The following KLC1 variants were observed in gnomAD, a reference collection of about 807,000 sequenced individuals.
The protein encoded by KLC1 is kinesin 2 60/70kDa.
Under a neutral mutation model 84.2 loss-of-function variants are expected in KLC1, and 30 were observed. The observed-to-expected ratio is 0.36, with a 90% CI of 0.27 to 0.48. The LOEUF (loss-of-function observed/expected upper bound fraction) is 0.48, where lower values mean the gene tolerates loss of function less well. Among genes scored for constraint, KLC1 ranks in the 20% least tolerant of loss-of-function variants. KLC1 has a pLI of 0.99. For synonymous variants in KLC1, 289 were observed against 293.3 expected, an observed-to-expected ratio of 0.99 and a Z score of 0.15; for missense variants, 499 against 805.4, an observed-to-expected ratio of 0.62 and a Z score of 4.60.
chr14:103,638,084 G>C (rs1351823444), intron 1 of KLC1, among the ~76,000 whole-genome samples: 1 of 151,942 alleles, frequency 6.6e-6, no homozygotes, highest in Non-Finnish European at 1.5e-5. Context: ...TATTGTTTGG[G>C]GCTTCTGCGC....
chr14:103,692,850 A>G (rs17101763), intron 15 of KLC1, among the ~76,000 whole-genome samples: 2,797 of 152,366 alleles, frequency 0.018, 76 homozygotes, highest in African/African-American at 0.059. Flanking sequence ...CTCTGTTAAC[A>G]TGATGACTAG....
Position 103,687,177 on chromosome 14 carries a change from G to GGA in KLC1, c.1748_1749dup (p.Ser584GlufsTer13). ...GAAGCTGGTTAGGAAGCTGAAGGGA[G>GGA]GAAGTTCACGAGAGAGTGAGCCAAA... On this transcript the variant is annotated frameshift_variant, in exon 14 of 17. Coordinates refer to ENST00000334553, the MANE Select transcript of KLC1 (RefSeq NM_001394837.1). LOFTEE classifies it high-confidence loss of function. The GGA allele has an allele frequency of 1.3e-6, 2 of 1,548,482 alleles. No homozygotes were observed. The highest frequency in any genetic ancestry group is 1.7e-6 in the Non-Finnish European group (2 of 1,144,960).
intron 15 of KLC1, 102 bp from the exon 16 acceptor site, chr14:103,700,553 C>T: frequency 2.1e-6 from 2 of 956,644 alleles, no homozygotes; most frequent in South Asian, 1.4e-5. Context: ...TCCCTCAAGT[C>T]CAAGGTCTGC....
chr14:103,693,734 AG>A lies in KLC1; in HGVS notation c.1848+1310del, dbSNP rs2082253950. The A allele has an allele frequency of 1.4e-6, 2 of 1,462,678 alleles. No individual in the cohort carries two copies. Among genetic ancestry groups the A allele is most frequent in the Non-Finnish European group, 1.8e-6 (2 of 1,110,800 alleles). 90.6% of individuals were successfully genotyped at this position (1,462,678 alleles called of 1,614,324 possible). A position where few individuals can be genotyped will look rare whatever the true frequency, so the allele number is the denominator to read the frequency against. ...CACTCCTTGGCTTCCTTTCCTAGAT[AG>A]TGACGTCCACCAACCTTGGAGGTGC... is the stretch of plus-strand genomic sequence containing the variant. On this transcript the variant is annotated intron_variant, in intron 15 of 16. Coordinates refer to ENST00000334553, the MANE Select transcript of KLC1 (RefSeq NM_001394837.1). The surrounding 1 kb of genome is among the most constrained non-coding windows in gnomAD (Gnocchi z 5.1).
intron 5 of KLC1, among the ~76,000 whole-genome samples, chr14:103,665,581 C>T (rs2079705902): frequency 6.6e-6 from 1 of 151,940 alleles, no homozygotes; most frequent in Admixed American, 6.6e-5. Flanking sequence ...ATTACAGACA[C>T]CTGCCACCAA....
intron 1 of KLC1, among the ~76,000 whole-genome samples, chr14:103,638,242 T>G (rs2077196424): frequency 6.6e-6 from 1 of 152,196 alleles, no homozygotes; most frequent in Non-Finnish European, 1.5e-5. Context: ...TTCCTTAATG[T>G]GCTACCCTCG....
chr14:103,665,515 A>T (rs977716140), intron 5 of KLC1, among the ~76,000 whole-genome samples: 1 of 152,038 alleles, frequency 6.6e-6, no homozygotes, highest in African/African-American at 2.4e-5. Flanking sequence ...GCTCACTGCA[A>T]CCTCAGCCTC....
At chr14:103,649,888 G>C (rs1266572689) in intron 1 of KLC1, among the ~76,000 whole-genome samples, 1 of 152,070 alleles carries the variant, frequency 6.6e-6, no homozygotes, top group Non-Finnish European at 1.5e-5. Context: ...GTAGAGACGG[G>C]GTTTCACCGT....
chr14:103,663,730 GT>G (rs1325387597), intron 5 of KLC1, among the ~76,000 whole-genome samples: 1 of 152,154 alleles, frequency 6.6e-6, no homozygotes, highest in Non-Finnish European at 1.5e-5. Context: ...TGGTAGAAGA[GT>G]TCCTTTGGCT....
intron 13 of KLC1, among the ~76,000 whole-genome samples, chr14:103,680,799 T>C (rs2081286220): frequency 6.6e-6 from 1 of 152,358 alleles, no homozygotes; most frequent in South Asian, 2.1e-4. Flanking sequence ...ACAAGTCCTT[T>C]ATCTAGGCTG....
chr14:103,659,920 A>G (rs1433381937), intron 3 of KLC1, among the ~76,000 whole-genome samples: 1 of 152,018 alleles, frequency 6.6e-6, no homozygotes, highest in East Asian at 1.9e-4. Context: ...GTGTTCTCAT[A>G]TGGTACAGAG....
intron 15 of KLC1, chr14:103,698,398 G>T (rs899275491): frequency 8.2e-5 from 24 of 292,572 alleles, no homozygotes; most frequent in Non-Finnish European, 1.5e-4. Flanking sequence ...GGCTGAGGGG[G>T]TCTGAGGCCC....
chr14:103,632,857 A>G (rs1043919310), intron 1 of KLC1, among the ~76,000 whole-genome samples: 1 of 152,124 alleles, frequency 6.6e-6, no homozygotes, highest in Non-Finnish European at 1.5e-5. Context: ...AAAAGTACCA[A>G]TCAGCCAGTG....
chr14:103,651,208 CCATGTTGGCCAGGCTGGT>C (rs1453702878), intron 1 of KLC1, among the ~76,000 whole-genome samples: 2 of 152,088 alleles, frequency 1.3e-5, no homozygotes, highest in Non-Finnish European at 2.9e-5. Flanking sequence ...ACGGGTTTCA[CCATGTTGGCCAGGCTGGT>C]CTTGAACTCT....
rs1287832250 is a variant in KLC1 at position 103,679,423 on chromosome 14, C to G, written c.1528C>G (p.Leu510Val). 1 of 1,613,952 alleles carries G rather than the reference C, an allele frequency of 6.2e-7. No individual in the cohort carries two copies. ...NVHKQRVAEV[L>V]NDPENMEKRR... The stretch of plus-strand genomic sequence containing the variant: ...TCACAAACAGAGGGTGGCAGAAGTG[C>G]TCAATGACCCTGAGAACATGGAGAA... Residue 510 changes from leucine (L) to valine (V), a missense_variant, in exon 13 of 17, where the codon CTC becomes GTC. By Grantham distance (32) the Leu-to-Val change is conservative (BLOSUM62 1). Coordinates refer to ENST00000334553, the MANE Select transcript of KLC1 (RefSeq NM_001394837.1).
At chr14:103,671,350 A>C (rs1270754821) in intron 7 of KLC1, among the ~76,000 whole-genome samples, 1 of 151,692 alleles carries the variant, frequency 6.6e-6, no homozygotes, top group Non-Finnish European at 1.5e-5. Flanking sequence ...TATTGGGTCT[A>C]TCCGATGAGT....
At chr14:103,700,063 A>C in intron 15 of KLC1, 2 of 234,944 alleles carry the variant, frequency 8.5e-6, no homozygotes, top group Non-Finnish European at 1.7e-5. Flanking sequence ...TCAGACGCTC[A>C]GCAAGGCAGG....
intron 14 of KLC1, among the ~76,000 whole-genome samples, chr14:103,690,828 A>G (rs1239055000): frequency 6.6e-6 from 1 of 152,264 alleles, no homozygotes; most frequent in Non-Finnish European, 1.5e-5. Context: ...TTTTAAATAC[A>G]TCAGATGGAG....
chr14:103,649,562 C>CAA (rs35297746), intron 1 of KLC1, among the ~76,000 whole-genome samples: 1,054 of 75,414 alleles, frequency 0.014, 30 homozygotes, highest in African/African-American at 0.047. Context: ...GACCTCATCT[C>CAA]AAAAAAAAAA....
Sources: gnomAD v4.1 joint callset for allele counts (sites outside exome capture counted in the v4.1 genomes callset) on GRCh38, gnomAD v4.1.1 for gene constraint, Gnocchi (gnomAD v3.1) non-coding constraint, MANE v1.5 for transcripts, NCBI Gene and HGNC (gene_info 2026-07-23, HGNC 2026-07-21) for gene names.